KLHL32: variants seen among roughly 807,000 people sequenced by gnomAD.
KLHL32 encodes kelch-like protein 32.
Under a neutral mutation model 64.8 loss-of-function variants are expected in KLHL32, and 35 were observed. The observed-to-expected ratio is 0.54, with a 90% CI of 0.41 to 0.72. KLHL32 has a LOEUF of 0.72. KLHL32 is among the 30% of genes least tolerant of loss of function. KLHL32 has a pLI of 0.00. For missense variants in KLHL32, 589 were observed against 768.5 expected, an observed-to-expected ratio of 0.77 and a Z score of 2.76; for synonymous variants, 259 against 281.0, an observed-to-expected ratio of 0.92 and a Z score of 0.78.
intron 1 of KLHL32, among the ~76,000 whole-genome samples, chr6:96,926,842 T>C (rs1022996274): frequency 6.6e-6 from 1 of 152,226 alleles, no homozygotes; most frequent in Non-Finnish European, 1.5e-5. Context: ...GTATCCTTAA[T>C]TTTAAAAACT....
At chr6:96,964,607 C>G (rs887476174) in intron 1 of KLHL32, among the ~76,000 whole-genome samples, 5 of 152,146 alleles carry the variant, frequency 3.3e-5, no homozygotes, top group Non-Finnish European at 7.4e-5. Flanking sequence ...GAGCCGAGAT[C>G]GCCCCACTGC....
At chr6:97,058,177 T>A (rs955548146) in intron 4 of KLHL32, among the ~76,000 whole-genome samples, 2 of 152,190 alleles carry the variant, frequency 1.3e-5, no homozygotes, top group Non-Finnish European at 2.9e-5. Flanking sequence ...GCGGGTATTG[T>A]CAGTCCTCCA....
chr6:97,123,138 A>G (rs917101767), intron 7 of KLHL32, among the ~76,000 whole-genome samples: 4 of 152,220 alleles, frequency 2.6e-5, no homozygotes, highest in African/African-American at 4.8e-5. Context: ...AAAAATTAGC[A>G]GAGCCATCAG....
rs114928890 is a variant in KLHL32 at position 96,930,783 on chromosome 6, T to G, written c.-66+5757T>G. The stretch of plus-strand genomic sequence containing the variant: ...ATGTCTTTTCTCTCTGACAAGCCAC[T>G]GTTCCCTCTTTTATGCAGCTCCTGG... On this transcript the variant is annotated intron_variant, in intron 1 of 10. Transcript: ENST00000369261. 9.6e-3 allele frequency among the ~76,000 whole-genome samples: 1,465 copies of G among 152,216 alleles called. 34 individuals are homozygous for G. The highest frequency in any genetic ancestry group is 0.034 in the African/African-American group (1,405 of 41,512).
chr6:96,950,034 G>A (rs983190648), intron 1 of KLHL32, among the ~76,000 whole-genome samples: 2 of 151,942 alleles, frequency 1.3e-5, no homozygotes, highest in South Asian at 2.1e-4. Context: ...TTAAAACAGA[G>A]CCACAGTGTA....
At chr6:97,124,226 G>T (rs904738187) in intron 7 of KLHL32, among the ~76,000 whole-genome samples, 4 of 152,198 alleles carry the variant, frequency 2.6e-5, no homozygotes, top group Admixed American at 2.0e-4. Context: ...AAAAGTTGCA[G>T]CACTAGGTTT....
chr6:96,933,475 A>G (rs984027990), intron 1 of KLHL32, among the ~76,000 whole-genome samples: 2 of 152,216 alleles, frequency 1.3e-5, no homozygotes, highest in African/African-American at 4.8e-5. Flanking sequence ...CTCAACATTA[A>G]GTGAGCCCTT....
intron 7 of KLHL32, among the ~76,000 whole-genome samples, chr6:97,116,798 A>G (rs1341332137): frequency 6.6e-6 from 1 of 152,174 alleles, no homozygotes; most frequent in Non-Finnish European, 1.5e-5. Flanking sequence ...CCATTTTATT[A>G]AATCTATCAA....
At chr6:97,055,795 CTAAAAAAAAA>C (rs1420523332) in intron 4 of KLHL32, among the ~76,000 whole-genome samples, 2 of 31,282 alleles carry the variant, frequency 6.4e-5, no homozygotes, top group African/African-American at 5.4e-4. Context: ...GAGAACCTGT[CTAAAAAAAAA>C]AAAAAAAAAA....
the KLHL32 span, chr6:96,914,992 C>T: frequency 2.0e-5 from 3 of 152,182 alleles, no homozygotes; most frequent in East Asian, 1.9e-4. Context: ...CCATTGCGCC[C>T]GGCAATCCTG....
chr6:96,941,332 A>G (rs777862983), intron 1 of KLHL32, among the ~76,000 whole-genome samples: 36 of 152,180 alleles, frequency 2.4e-4, no homozygotes, highest in Non-Finnish European at 4.4e-4. Context: ...ACCAAATACT[A>G]AGGCTTCTCT....
chr6:96,954,503 G>A (rs1434442000), intron 1 of KLHL32, among the ~76,000 whole-genome samples: 1 of 152,094 alleles, frequency 6.6e-6, no homozygotes, highest in Admixed American at 6.6e-5. Context: ...AACCTATGAT[G>A]TCAGACTTCT....
At chr6:97,123,815 C>G (rs1008158870) in intron 7 of KLHL32, among the ~76,000 whole-genome samples, 2 of 152,172 alleles carry the variant, frequency 1.3e-5, no homozygotes, top group African/African-American at 4.8e-5. Flanking sequence ...CATGTGGCAT[C>G]GTAACCCAGA....
chr6:97,060,235 AG>A (rs775224536), intron 4 of KLHL32, among the ~76,000 whole-genome samples: 157 of 151,970 alleles, frequency 1.0e-3, no homozygotes, highest in African/African-American at 3.5e-3. Context: ...CACAGGCAGG[AG>A]AAAAAAAAAG....
At chr6:96,911,980 A>G in the KLHL32 span, among the ~76,000 whole-genome samples, 1 of 150,704 alleles carries the variant, frequency 6.6e-6, no homozygotes, top group Non-Finnish European at 1.5e-5. Context: ...TTCAATTTCC[A>G]TCTTATTTTG....
intron 5 of KLHL32, among the ~76,000 whole-genome samples, chr6:97,083,167 G>A (rs1283350552): frequency 2.0e-5 from 3 of 152,072 alleles, no homozygotes; most frequent in East Asian, 1.9e-4. Flanking sequence ...CAAGGTGGGC[G>A]GATCATGAGG....
Position 96,937,197 on chromosome 6 carries a change from G to A in KLHL32, c.-66+12171G>A, listed in dbSNP as rs10782170. 3.4e-4 allele frequency among the ~76,000 whole-genome samples: 51 copies of A among 152,090 alleles called. No individual in the cohort carries two copies. The East Asian group carries it at 8.9e-3, about 27-fold the overall frequency. ...CCAGTTTTAGAACATTTCTGTCACC[G>A]CAAAATGTTCCCTCATGCCCATTTG... On this transcript the variant is annotated intron_variant, in intron 1 of 10. Coordinates refer to ENST00000369261, the MANE Select transcript of KLHL32 (RefSeq NM_052904.4).
chr6:97,114,181 A>C lies in KLHL32; in HGVS notation c.1026A>C (p.Ala342=). 2.5e-6 allele frequency: 4 copies of C among 1,614,226 alleles called. No homozygotes were observed. The highest frequency in any genetic ancestry group is 3.4e-6 in the Non-Finnish European group (4 of 1,180,048). ...TGGGAAGGAGCCACCATTGTGTGGC[A>C]GTCATGGGGGACTTCCTGTTTGTGG... ...MPVGRSHHCV[A]VMGDFLFVAG... The change falls in exon 7 of 11, where the codon GCA becomes GCC. Residue 342 remains alanine, a synonymous_variant. Transcript: ENST00000369261.
intron 7 of KLHL32, among the ~76,000 whole-genome samples, chr6:97,115,320 A>G: frequency 6.6e-6 from 1 of 152,204 alleles, no homozygotes; most frequent in South Asian, 2.1e-4. Context: ...CCAGCCTAAA[A>G]CAAAGTTTGT....
Sources: allele counts gnomAD v4.1 joint callset (sites outside exome capture counted in the v4.1 genomes callset), GRCh38; gene constraint gnomAD v4.1.1; transcripts MANE v1.5; gene names NCBI Gene and HGNC (gene_info 2026-07-23, HGNC 2026-07-21).